WAPL: variants seen among roughly 807,000 people sequenced by gnomAD.
WAPL encodes wings apart-like protein homolog.
A neutral mutation model predicts 121.0 loss-of-function variants in WAPL; 5 were observed. The observed-to-expected ratio is 0.04, with a 90% CI of 0.02 to 0.09. The LOEUF (loss-of-function observed/expected upper bound fraction) is 0.09, where lower values mean the gene tolerates loss of function less well. Among genes scored for constraint, WAPL ranks in the 10% least tolerant of loss-of-function variants. The probability of loss-of-function intolerance (pLI) is 1.00; values close to 1 mark genes in which losing one functional copy is unlikely to be tolerated. For missense variants in WAPL, 999 were observed against 1,410.8 expected (o/e 0.71, Z 4.68); for synonymous variants, 480 against 481.5 (o/e 1.00, Z 0.04).
intron 2 of WAPL, among the ~76,000 whole-genome samples, chr10:86,510,438 T>C (rs1390079025): frequency 2.0e-5 from 3 of 152,180 alleles, no homozygotes; most frequent in Non-Finnish European, 2.9e-5. Context: ...TAATGTATTA[T>C]ATAAAAGTGT....
intron 4 of WAPL, among the ~76,000 whole-genome samples, chr10:86,490,456 T>C (rs1197870799): frequency 1.4e-4 from 21 of 152,170 alleles, no homozygotes; most frequent in Admixed American, 1.4e-3. Flanking sequence ...TGCTGCCTTC[T>C]AAGCTATGTT....
At chr10:86,501,129 A>T (rs549630170) in intron 2 of WAPL, among the ~76,000 whole-genome samples, 1 of 152,356 alleles carries the variant, frequency 6.6e-6, no homozygotes, top group Admixed American at 6.5e-5. Flanking sequence ...AAACCAACTG[A>T]ACAGTTAATA....
intron 4 of WAPL, 140 bp downstream of exon 4, chr10:86,497,061 A>G (rs910696667): frequency 6.1e-6 from 4 of 656,246 alleles, no homozygotes; most frequent in African/African-American, 1.9e-5. Flanking sequence ...AAAAATGGTT[A>G]TATCTGAAAA....
At chr10:86,440,602 T>C (rs1564559002) in intron 17 of WAPL, among the ~76,000 whole-genome samples, 1 of 152,134 alleles carries the variant, frequency 6.6e-6, no homozygotes, top group Non-Finnish European at 1.5e-5. Flanking sequence ...CCCGGCCTTT[T>C]TTCACTGCTT....
intron 8 of WAPL, 128 bp downstream of exon 8, chr10:86,470,864 C>A: frequency 1.4e-6 from 1 of 726,252 alleles, no homozygotes; most frequent in African/African-American, 1.8e-5. Flanking sequence ...ACAAATTTAG[C>A]AAATAAAATG....
intron 16 of WAPL, among the ~76,000 whole-genome samples, chr10:86,445,527 CTT>C (rs139652925): frequency 5.5e-5 from 8 of 146,744 alleles, no homozygotes; most frequent in Non-Finnish European, 7.5e-5. Context: ...CCTCTAGTAT[CTT>C]TTTTTTTTTT....
intron 2 of WAPL, among the ~76,000 whole-genome samples, chr10:86,510,288 T>C (rs548941413): frequency 3.3e-5 from 5 of 152,088 alleles, no homozygotes; most frequent in African/African-American, 1.2e-4. Context: ...TTGGTCAGGC[T>C]GGTTTCGAAC....
At chr10:86,460,875 G>A (rs1841254672) in intron 10 of WAPL, among the ~76,000 whole-genome samples, 1 of 152,024 alleles carries the variant, frequency 6.6e-6, no homozygotes, top group Non-Finnish European at 1.5e-5. Context: ...CACCACGCCT[G>A]GCTAGTTTTG....
At chr10:86,480,008 CAT>C (rs1217873289) in intron 4 of WAPL, among the ~76,000 whole-genome samples, 8 of 152,168 alleles carry the variant, frequency 5.3e-5, no homozygotes, top group East Asian at 1.9e-4. Flanking sequence ...AAACATAACA[CAT>C]GTTAAATATC....
intron 18 of WAPL, 79 bp from the exon 19 acceptor site, chr10:86,437,687 C>A (rs1341484792): frequency 2.1e-6 from 3 of 1,438,690 alleles, no homozygotes; most frequent in Admixed American, 3.9e-5. Context: ...AAGTTTACCT[C>A]TAGATTTACT....
rs1453745079 is a variant in WAPL, at chr10:86,443,426, AC to A, written c.3323-64del. On this transcript the variant is annotated intron_variant, in intron 16 of 18. Coordinates refer to ENST00000298767, the MANE Select transcript of WAPL (RefSeq NM_015045.5). Reference sequence around the variant, plus strand: ...AATTAACACAAACCTCACAAAACCAACCATTCTGTTAGTTATCTTTACTTTA... The same window carrying A: ...AATTAACACAAACCTCACAAAACCAACATTCTGTTAGTTATCTTTACTTTA... 2,497 of 1,428,096 alleles carry A rather than the reference AC, an allele frequency of 1.7e-3. 61 individuals carry two copies. The South Asian group carries it at 0.026, about 15-fold the overall frequency. The allele number at this position is 1,428,096 out of a possible 1,614,324, so 88.5% of individuals were successfully genotyped here.
At chr10:86,476,015 T>C (rs1436474387) in intron 4 of WAPL, among the ~76,000 whole-genome samples, 1 of 152,194 alleles carries the variant, frequency 6.6e-6, no homozygotes, top group East Asian at 1.9e-4. Context: ...AGATCCTGTC[T>C]CTACAAAAAA....
intron 2 of WAPL, among the ~76,000 whole-genome samples, chr10:86,515,044 G>A (rs1351418939): frequency 6.6e-6 from 1 of 152,156 alleles, no homozygotes; most frequent in African/African-American, 2.4e-5. Context: ...TGGATCACAT[G>A]AGGTCAGGAG....
At chr10:86,514,191 G>A (rs1347996849) in intron 2 of WAPL, among the ~76,000 whole-genome samples, 3 of 152,202 alleles carry the variant, frequency 2.0e-5, no homozygotes, top group Admixed American at 6.5e-5. Context: ...CTAGGCACAA[G>A]AGAAATGACC....
intron 12 of WAPL, among the ~76,000 whole-genome samples, chr10:86,455,854 G>A (rs1463377742): frequency 6.6e-6 from 1 of 152,028 alleles, no homozygotes; most frequent in African/African-American, 2.4e-5. Context: ...AGGGACAAAT[G>A]GAAAAGAAGG....
At chr10:86,505,190 TG>T (rs1460844753) in intron 2 of WAPL, among the ~76,000 whole-genome samples, 3 of 31,760 alleles carry the variant, frequency 9.4e-5, no homozygotes, top group Non-Finnish European at 3.0e-4. Flanking sequence ...GATTTTTTTA[TG>T]TTTTTTTTAT....
rs76600933 is a variant in WAPL at position 86,440,700 on chromosome 10, T to G, written c.3411+2575A>C. Among the ~76,000 whole-genome samples, 17 of 152,206 alleles carry G rather than the reference T, an allele frequency of 1.1e-4. No individual in the cohort carries two copies. In the East Asian group the frequency reaches 3.3e-3, roughly 29 times the overall value. Reference sequence around the variant, plus strand: ...TGTCATTGGAAATAAGAAAAAGGGATATAAAGATCTTGCGGGGCCTCCAGA... The same window carrying G: ...TGTCATTGGAAATAAGAAAAAGGGAGATAAAGATCTTGCGGGGCCTCCAGA... On this transcript the variant is annotated intron_variant, in intron 17 of 18. Coordinates refer to ENST00000298767, the MANE Select transcript of WAPL (RefSeq NM_015045.5).
At chr10:86,515,414 C>T (rs1051746544) in intron 2 of WAPL, among the ~76,000 whole-genome samples, 3 of 152,006 alleles carry the variant, frequency 2.0e-5, no homozygotes, top group African/African-American at 7.2e-5. Flanking sequence ...CACTAGCTGA[C>T]CTTGGACAGT....
In WAPL at chr10:86,457,807, TA is replaced by T. The variant is rs530001600; in HGVS notation, c.2657+1181del. ...AGAATATTGACTAAACATAAAATATTAAGCAACTAATAATGTGTGGCATGAA... is the reference window on the plus strand; with the variant it reads ...AGAATATTGACTAAACATAAAATATTAGCAACTAATAATGTGTGGCATGAA... On this transcript the variant is annotated intron_variant, in intron 12 of 18. Transcript: ENST00000298767. Among the ~76,000 whole-genome samples the T allele has an allele frequency of 1.8e-3, 268 of 152,298 alleles. 3 individuals carry two copies. Among genetic ancestry groups the T allele is most frequent in the Non-Finnish European group, 8.2e-4 (56 of 68,024 alleles).
Sources: allele counts gnomAD v4.1 joint callset (sites outside exome capture counted in the v4.1 genomes callset), GRCh38; gene constraint gnomAD v4.1.1; transcripts MANE v1.5; gene names NCBI Gene and HGNC (gene_info 2026-07-23, HGNC 2026-07-21).